The following MVP variants were observed in gnomAD, a reference collection of about 807,000 sequenced individuals.
The protein encoded by MVP is lung resistance-related protein.
MVP carries 62 observed loss-of-function variants against 83.5 expected under a neutral mutation model. That is an observed-to-expected ratio of 0.74 (90% CI 0.61 to 0.92). The LOEUF (loss-of-function observed/expected upper bound fraction) is 0.92, where lower values mean the gene tolerates loss of function less well. MVP is among the 40% of genes least tolerant of loss of function. MVP has a pLI of 0.00. For synonymous variants in MVP, 505 were observed against 504.1 expected (o/e 1.00, Z -0.02); for missense variants, 1,000 against 1,203.4 (o/e 0.83, Z 2.50).
chr16:29,835,830 C>G, intron 6 of MVP, 32 bp downstream of exon 6: 5 of 1,592,924 alleles, frequency 3.1e-6, no homozygotes, highest in Non-Finnish European at 4.3e-6. Flanking sequence ...GTTTAAGGGA[C>G]CTGGGGCTAG....
intron 1 of MVP, among the ~76,000 whole-genome samples, chr16:29,822,214 C>A (rs1461530490): frequency 6.6e-6 from 1 of 151,220 alleles, no homozygotes; most frequent in Admixed American, 6.6e-5. Context: ...CGGTTCTTGC[C>A]TCTGGTGACT....
Position 29,834,074 on chromosome 16 carries a change from C to G in MVP, c.577+8C>G. The stretch of plus-strand genomic sequence containing the variant: ...GCAAGGAGAGGGTGACAGGTGGGGT[C>G]ACCAAGGGGCGATGATGGTGGGTGG... On this transcript the variant is annotated splice_region_variant and intron_variant, in intron 5 of 14. Coordinates refer to ENST00000357402, the MANE Select transcript of MVP (RefSeq NM_005115.5). 1 of 1,612,290 alleles carries G rather than the reference C, an allele frequency of 6.2e-7. No homozygotes were observed. Among genetic ancestry groups the G allele is most frequent in the Non-Finnish European group, 8.5e-7 (1 of 1,179,356 alleles).
chr16:29,847,986 C>T lies in MVP; in HGVS notation c.2679C>T (p.Arg893=). The change falls in exon 15 of 15, where the codon CGC becomes CGT. Residue 893 remains arginine, a synonymous_variant. Transcript: ENST00000357402. Reference sequence around the variant, plus strand: ...ACAACCACGTGGTGCCTGTACTGCGCTAACTCCTGATTAATACAATGGAAG... The same window carrying T: ...ACAACCACGTGGTGCCTGTACTGCGTTAACTCCTGATTAATACAATGGAAG... ...PGDNHVVPVL[R] The T allele has an allele frequency of 1.2e-6, 2 of 1,605,902 alleles. No individual in the cohort carries two copies. The highest frequency in any genetic ancestry group is 1.3e-5 in the African/African-American group (1 of 74,524).
In MVP at chr16:29,841,574, C is replaced by A. The variant is rs746514051; in HGVS notation, c.1192-22C>A. ...TCCCTTCCACCCTTACGGGCAGCTT[C>A]CCTCCCTGTCCTCGTCCCAAGGTGC... On this transcript the variant is annotated intron_variant, in intron 8 of 14. Coordinates refer to ENST00000357402, the MANE Select transcript of MVP (RefSeq NM_005115.5). The surrounding 1 kb of genome is among the most constrained non-coding windows in gnomAD (Gnocchi z 4.7). The A allele has an allele frequency of 3.3e-5, 52 of 1,557,174 alleles. No homozygotes were observed. Among genetic ancestry groups the A allele is most frequent in the Admixed American group, 9.3e-5 (5 of 53,548 alleles).
intron 7 of MVP, among the ~76,000 whole-genome samples, chr16:29,838,487 A>G (rs1363288423): frequency 6.6e-6 from 1 of 152,116 alleles, no homozygotes; most frequent in African/African-American, 2.4e-5. Context: ...ATGAATGGAT[A>G]AAAAATTGTA....
intron 1 of MVP, among the ~76,000 whole-genome samples, chr16:29,824,236 A>C (rs1213224744): frequency 1.3e-5 from 2 of 149,472 alleles, no homozygotes; most frequent in African/African-American, 2.5e-5. Context: ...AAAAAAAAAA[A>C]AAAAACAGAT....
At chr16:29,846,931 A>T (rs182538236) in intron 13 of MVP, among the ~76,000 whole-genome samples, 72 of 152,272 alleles carry the variant, frequency 4.7e-4, no homozygotes, top group South Asian at 1.0e-3. Flanking sequence ...TAACCCCAGC[A>T]CTTTGGAAAG....
intron 5 of MVP, 110 bp downstream of exon 5, chr16:29,834,176 C>T: frequency 6.9e-7 from 1 of 1,453,114 alleles, no homozygotes; most frequent in East Asian, 2.5e-5. Context: ...AGGCGCTTTC[C>T]TGGTATCTTT....
intron 3 of MVP, among the ~76,000 whole-genome samples, chr16:29,832,996 C>T (rs1017454898): frequency 2.0e-5 from 3 of 150,852 alleles, no homozygotes; most frequent in East Asian, 2.0e-4. Flanking sequence ...ACCTGGGAGG[C>T]GGAGATTGCA....
chr16:29,824,261 T>A (rs1596907323), intron 1 of MVP, among the ~76,000 whole-genome samples: 1 of 137,846 alleles, frequency 7.3e-6, no homozygotes, highest in Admixed American at 7.7e-5. Flanking sequence ...AGATGACCAG[T>A]GTGCAGCCCG....
At chr16:29,839,670 G>T (rs1345084484) in intron 7 of MVP, among the ~76,000 whole-genome samples, 3 of 150,424 alleles carry the variant, frequency 2.0e-5, no homozygotes. Flanking sequence ...TGTAGTCCCA[G>T]CTCCTTGGGA....
At chr16:29,836,648 G>C in intron 6 of MVP, 74 bp from the exon 7 acceptor site, 4 of 1,188,030 alleles carry the variant, frequency 3.4e-6, no homozygotes, top group Non-Finnish European at 4.7e-6. Context: ...GGGAGCATTT[G>C]GTGGCCAATG....
At chr16:29,846,845 G>A in intron 13 of MVP, among the ~76,000 whole-genome samples, 1 of 151,938 alleles carries the variant, frequency 6.6e-6, no homozygotes, top group Admixed American at 6.6e-5. Context: ...TGGGCAACAA[G>A]AGTGAAACTC....
At chr16:29,827,693 T>A (rs2067413930) in intron 1 of MVP, among the ~76,000 whole-genome samples, 1 of 152,086 alleles carries the variant, frequency 6.6e-6, no homozygotes, top group Admixed American at 6.5e-5. Context: ...GCGGGAGGAT[T>A]GCTTGAGCCC....
rs1383559390 is a variant in MVP at position 29,847,208 on chromosome 16, CCA to C, written c.2278_2279del (p.Gln760GlufsTer29). 6.2e-7 allele frequency: 1 copy of C among 1,613,296 alleles called. No individual in the cohort carries two copies. The highest frequency in any genetic ancestry group is 1.7e-5 in the Admixed American group (1 of 59,966). Reference protein sequence around the residue: ...ALAIETEAELQRVQKVRELEL... With the variant: ...ALAIETEAELXRVQKVRELEL... ...TTTTCCTCTTCCAGGAGGCTGAGCT[CCA>C]GAGGGTCCAGAAGGTCCGAGAGCTG... On this transcript the variant is annotated frameshift_variant, in exon 14 of 15. Transcript: ENST00000357402. LOFTEE classifies it high-confidence loss of function.
At chr16:29,844,973 G>A in intron 11 of MVP, 94 bp downstream of exon 11, 4 of 1,446,660 alleles carry the variant, frequency 2.8e-6, no homozygotes, top group Non-Finnish European at 3.7e-6. Context: ...ACTGCCTGCT[G>A]CCATCCCTAC....
At chr16:29,836,096 T>C (rs2067484562) in intron 6 of MVP, among the ~76,000 whole-genome samples, 1 of 151,580 alleles carries the variant, frequency 6.6e-6, no homozygotes, top group Non-Finnish European at 1.5e-5. Flanking sequence ...TGAGAACTCA[T>C]CGCTACAAAA....
chr16:29,821,708 G>C (rs918008185), intron 1 of MVP, among the ~76,000 whole-genome samples: 1 of 152,204 alleles, frequency 6.6e-6, no homozygotes, highest in Non-Finnish European at 1.5e-5. Context: ...TTTGATAACT[G>C]TGTGCTCTTG....
chr16:29,837,357 C>G (rs2067496292), intron 7 of MVP, among the ~76,000 whole-genome samples: 1 of 152,234 alleles, frequency 6.6e-6, no homozygotes, highest in South Asian at 2.1e-4. Flanking sequence ...AGGCTGCCAA[C>G]CTGTGCAGCA....
Sources: allele counts gnomAD v4.1 joint callset (sites outside exome capture counted in the v4.1 genomes callset), GRCh38; gene constraint gnomAD v4.1.1; non-coding constraint Gnocchi (gnomAD v3.1); transcripts MANE v1.5; gene names NCBI Gene and HGNC (gene_info 2026-07-23, HGNC 2026-07-21).